The following DDC variants were observed in gnomAD, a reference collection of about 807,000 sequenced individuals.
The protein encoded by DDC is aromatic-L-amino-acid decarboxylase.
In DDC, 43 loss-of-function variants were observed where a neutral mutation model predicts 60.0. The observed-to-expected ratio is 0.72, with a 90% CI of 0.56 to 0.92. The LOEUF is 0.92. DDC is among the 40% of genes least tolerant of loss of function. The pLI is 0.00. For missense variants in DDC, 573 were observed against 620.2 expected, an observed-to-expected ratio of 0.92 and a Z score of 0.81; for synonymous variants, 232 against 234.6, an observed-to-expected ratio of 0.99 and a Z score of 0.10.
intron 6 of DDC, among the ~76,000 whole-genome samples, chr7:50,520,606 A>G (rs2043862510): frequency 6.6e-6 from 1 of 152,164 alleles, no homozygotes; most frequent in African/African-American, 2.4e-5. Flanking sequence ...AATAACCTAG[A>G]AAAAAAGGCA....
At chr7:50,539,870 C>T in intron 3 of DDC, 45 bp downstream of exon 3, 1 of 1,485,012 alleles carries the variant, frequency 6.7e-7, no homozygotes, top group Non-Finnish European at 9.4e-7. Flanking sequence ...CCCCGGGATC[C>T]CACCACAGCC....
At chr7:50,487,836 T>C (rs1011767650) in intron 9 of DDC, among the ~76,000 whole-genome samples, 7 of 152,168 alleles carry the variant, frequency 4.6e-5, no homozygotes, top group African/African-American at 1.7e-4. Context: ...TTAGATTTAT[T>C]GGTCAAGTAG....
intron 1 of DDC, among the ~76,000 whole-genome samples, chr7:50,551,494 A>C (rs771764219): frequency 9.2e-5 from 14 of 152,018 alleles, no homozygotes; most frequent in Non-Finnish European, 1.5e-4. Context: ...CAGCCTCCCA[A>C]AATGCTAGGA....
intron 8 of DDC, among the ~76,000 whole-genome samples, chr7:50,497,802 T>G (rs1215570657): frequency 2.6e-5 from 4 of 152,354 alleles, no homozygotes; most frequent in African/African-American, 9.6e-5. Flanking sequence ...AAGTAATTAT[T>G]GAATGAATGA....
chr7:50,504,012 G>A lies in DDC; in HGVS notation c.762C>T (p.Leu254=). 2 of 1,613,744 alleles carry A rather than the reference G, an allele frequency of 1.2e-6. No individual in the cohort carries two copies. The highest frequency in any genetic ancestry group is 8.5e-7 in the Non-Finnish European group (1 of 1,179,604). The change falls in exon 7 of 15, where the codon CTC becomes CTT. Residue 254 remains leucine, a synonymous_variant. Coordinates refer to ENST00000444124, the MANE Select transcript of DDC (RefSeq NM_001082971.2). ...ACTTACAGATAGGACCGACTTCTAA[G>A]AGATTGTCAAAGGAGCAGCATGTTG... ...GTTTCCSFDN[L]LEVGPICNKE... is the part of the protein sequence containing the mutation.
rs1486675816 is a variant in DDC, at chr7:50,485,055, T to C, written c.945-5192A>G. 2.6e-5 allele frequency among the ~76,000 whole-genome samples: 4 copies of C among 152,088 alleles called. No homozygotes were observed. The East Asian group carries it at 7.7e-4, about 29-fold the overall frequency. ...AATGATTAAAACTGTTTCAGAGAAA[T>C]AGAATTTTTAAAAACCTCCCAATGC... On this transcript the variant is annotated intron_variant, in intron 9 of 14. Transcript: ENST00000444124.
At chr7:50,520,856 C>T (rs1585223637) in intron 6 of DDC, among the ~76,000 whole-genome samples, 2 of 151,750 alleles carry the variant, frequency 1.3e-5, no homozygotes, top group African/African-American at 4.8e-5. Flanking sequence ...GGAGGTTGTG[C>T]CACTGCATTC....
At position 50,477,088 on chromosome 7, in the gene DDC, G is replaced by A. The variant is rs546913798; in HGVS notation, c.1022-445C>T. Among the ~76,000 whole-genome samples, 6 of 152,324 alleles carry A rather than the reference G, an allele frequency of 3.9e-5. No homozygotes were observed. In the South Asian group the frequency reaches 1.0e-3, roughly 26 times the overall value. ...GGTGGGATTATTCATCTCTGTATCC[G>A]TGGATCTTAGCAGATCTTAGTTCAG... On this transcript the variant is annotated intron_variant, in intron 10 of 14. Coordinates refer to ENST00000444124, the MANE Select transcript of DDC (RefSeq NM_001082971.2).
chr7:50,462,926 C>G (rs762384481), intron 14 of DDC, among the ~76,000 whole-genome samples: 4 of 152,170 alleles, frequency 2.6e-5, no homozygotes, highest in African/African-American at 9.6e-5. Flanking sequence ...CATGCCACCA[C>G]GCCCAGCTAA....
At chr7:50,460,978 C>T (rs1362849058) in intron 14 of DDC, among the ~76,000 whole-genome samples, 3 of 151,190 alleles carry the variant, frequency 2.0e-5, no homozygotes, top group Non-Finnish European at 4.4e-5. Flanking sequence ...ATCTGCTGAC[C>T]CTCCCTCCAC....
At chr7:50,537,758 A>T in intron 4 of DDC, 102 bp downstream of exon 4, 2 of 1,431,946 alleles carry the variant, frequency 1.4e-6, no homozygotes, top group South Asian at 2.3e-5. Context: ...GAGAAATTTG[A>T]GGAACTAACA....
At chr7:50,559,292 T>G (rs940061213) in intron 1 of DDC, among the ~76,000 whole-genome samples, 2 of 151,866 alleles carry the variant, frequency 1.3e-5, no homozygotes, top group African/African-American at 4.8e-5. Context: ...CTCAACACAG[T>G]GGGATTCTAA....
chr7:50,537,887 T>C lies in DDC; in HGVS notation c.408A>G (p.Lys136=). ...LELPKAFLNE[K]AGEGGGVIQG... ...GGATCACTCCTCCCCCTTCTCCAGCTTTCTCATTCAAAAATGCCTTTGGTA... is the reference window on the plus strand; with the variant it reads ...GGATCACTCCTCCCCCTTCTCCAGCCTTCTCATTCAAAAATGCCTTTGGTA... Residue 136 remains lysine, a synonymous_variant, in exon 4 of 15, where the codon AAA becomes AAG. Coordinates refer to ENST00000444124, the MANE Select transcript of DDC (RefSeq NM_001082971.2). The C allele has an allele frequency of 6.2e-7, 1 of 1,614,122 alleles. No individual in the cohort carries two copies.
intron 6 of DDC, among the ~76,000 whole-genome samples, chr7:50,508,929 T>C (rs548183595): frequency 3.3e-5 from 5 of 152,290 alleles, no homozygotes; most frequent in African/African-American, 1.2e-4. Flanking sequence ...TGCAGCCCTC[T>C]TCCCTCCAAC....
chr7:50,561,903 G>A (rs1233808575), intron 1 of DDC, among the ~76,000 whole-genome samples: 1 of 151,802 alleles, frequency 6.6e-6, no homozygotes, highest in Non-Finnish European at 1.5e-5. Context: ...ACATACACAA[G>A]CATACATGCA....
chr7:50,555,986 G>A (rs1257490103), intron 1 of DDC, among the ~76,000 whole-genome samples: 1 of 152,202 alleles, frequency 6.6e-6, no homozygotes, highest in African/African-American at 2.4e-5. Flanking sequence ...TTAGAAACTT[G>A]TAATACCAGT....
intron 2 of DDC, chr7:50,541,381 C>G (rs1032416791): frequency 6.6e-6 from 1 of 152,306 alleles, no homozygotes; most frequent in Non-Finnish European, 1.5e-5. Flanking sequence ...AGGATATGCT[C>G]TATCGGGCTT....
Position 50,539,694 on chromosome 7 carries a change from A to G in DDC, c.315+221T>C, listed in dbSNP as rs11575306. On this transcript the variant is annotated intron_variant, in intron 3 of 14. Coordinates refer to ENST00000444124, the MANE Select transcript of DDC (RefSeq NM_001082971.2). Reference sequence around the variant, plus strand: ...CAAGTGCTTCCAACACAGCCTGTGCAGAATGGGCTTTGAGTTGTTGAGACT... The same window carrying G: ...CAAGTGCTTCCAACACAGCCTGTGCGGAATGGGCTTTGAGTTGTTGAGACT... The G allele has an allele frequency of 9.4e-4, 513 of 545,832 alleles. 3 individuals are homozygous for G. The highest frequency in any genetic ancestry group is 7.0e-3 in the African/African-American group (372 of 53,242). 33.8% of individuals were successfully genotyped at this position (545,832 alleles called of 1,614,324 possible).
At chr7:50,465,722 T>TA (rs998994568) in intron 13 of DDC, among the ~76,000 whole-genome samples, 3 of 152,110 alleles carry the variant, frequency 2.0e-5, no homozygotes, top group Non-Finnish European at 2.9e-5. Context: ...ATAGAACTGT[T>TA]AAAAAAATAG....
Sources: gnomAD v4.1 joint callset for allele counts (sites outside exome capture counted in the v4.1 genomes callset) on GRCh38, gnomAD v4.1.1 for gene constraint, MANE v1.5 for transcripts, NCBI Gene and HGNC (gene_info 2026-07-23, HGNC 2026-07-21) for gene names.